FAM53B: variants seen among roughly 807,000 people sequenced by gnomAD.
FAM53B encodes family with sequence similarity 53 member B.
In FAM53B, 12 loss-of-function variants were observed where a neutral mutation model predicts 32.7. The ratio of observed to expected loss-of-function variants is 0.37; its 90% confidence interval spans 0.24 to 0.59. The LOEUF (loss-of-function observed/expected upper bound fraction) is 0.59, where lower values mean the gene tolerates loss of function less well. Ranked by LOEUF, FAM53B falls within the 20% of genes least tolerant of loss-of-function variation. The pLI is 0.72. For missense variants in FAM53B, 477 were observed against 577.7 expected (o/e 0.83, Z 1.79); for synonymous variants, 234 against 228.7 (o/e 1.02, Z -0.21).
chr10:124,647,196 ATGTG>A (rs1363611989), intron 4 of FAM53B, among the ~76,000 whole-genome samples: 1 of 152,140 alleles, frequency 6.6e-6, no homozygotes, highest in East Asian at 1.9e-4. Context: ...ATCTCATTTA[ATGTG>A]TATCACTGCC....
At chr10:124,699,336 T>C (rs1195043652) in intron 2 of FAM53B, among the ~76,000 whole-genome samples, 1 of 152,214 alleles carries the variant, frequency 6.6e-6, no homozygotes, top group African/African-American at 2.4e-5. Context: ...GAAGTGGATT[T>C]TCACTGGGCA....
chr10:124,696,957 T>C (rs960202210), intron 2 of FAM53B, among the ~76,000 whole-genome samples: 3 of 152,128 alleles, frequency 2.0e-5, no homozygotes, highest in Non-Finnish European at 2.9e-5. Flanking sequence ...CCAGGCAGAA[T>C]AGGCCAACGA....
intron 4 of FAM53B, among the ~76,000 whole-genome samples, chr10:124,679,653 C>CT (rs1949756950): frequency 6.6e-6 from 1 of 152,220 alleles, no homozygotes; most frequent in Non-Finnish European, 1.5e-5. Context: ...AGGCCCCTCT[C>CT]TACTTTCCCT....
chr10:124,639,970 A>T (rs1949460018), intron 4 of FAM53B, among the ~76,000 whole-genome samples: 3 of 151,872 alleles, frequency 2.0e-5, no homozygotes, highest in Non-Finnish European at 4.4e-5. Flanking sequence ...GTCTGTTCAA[A>T]GCCTGCACCC....
chr10:124,645,388 G>C (rs566182569), intron 4 of FAM53B, among the ~76,000 whole-genome samples: 31 of 152,340 alleles, frequency 2.0e-4, no homozygotes, highest in African/African-American at 6.7e-4. Context: ...GCCCTGCTGA[G>C]AGATGCAAAA....
intron 1 of FAM53B, among the ~76,000 whole-genome samples, chr10:124,709,019 G>T (rs1949980756): frequency 6.6e-6 from 1 of 152,250 alleles, no homozygotes. Context: ...GATGAAAACA[G>T]AGCCCAAGTC....
At chr10:124,628,337 T>G (rs1949368760) in intron 4 of FAM53B, among the ~76,000 whole-genome samples, 2 of 152,288 alleles carry the variant, frequency 1.3e-5, no homozygotes, top group Middle Eastern at 3.4e-3. Context: ...GTGATATGTC[T>G]GGGAGCAGAT....
intron 4 of FAM53B, among the ~76,000 whole-genome samples, chr10:124,650,185 C>T (rs1163665326): frequency 1.3e-5 from 2 of 152,202 alleles, no homozygotes; most frequent in African/African-American, 4.8e-5. Context: ...ATACTGTAGG[C>T]TGTGCCCTGC....
At chr10:124,677,002 T>A (rs932390456) in intron 4 of FAM53B, among the ~76,000 whole-genome samples, 2 of 152,168 alleles carry the variant, frequency 1.3e-5, no homozygotes, top group Admixed American at 6.5e-5. Context: ...CCCACAAACA[T>A]CTTGCTTCTG....
intron 3 of FAM53B, among the ~76,000 whole-genome samples, chr10:124,689,305 C>T (rs1163352534): frequency 1.3e-5 from 2 of 152,210 alleles, no homozygotes; most frequent in Non-Finnish European, 2.9e-5. Context: ...GACATGAGCT[C>T]CCCCACAATC....
chr10:124,726,113 C>T (rs1950101415), intron 1 of FAM53B, among the ~76,000 whole-genome samples: 1 of 152,178 alleles, frequency 6.6e-6, no homozygotes, highest in Non-Finnish European at 1.5e-5. Context: ...GTAAGCCCTC[C>T]AGGTTGAGTC....
intron 1 of FAM53B, among the ~76,000 whole-genome samples, chr10:124,723,974 TC>T (rs1284586575): frequency 1.3e-5 from 2 of 152,200 alleles, no homozygotes; most frequent in African/African-American, 4.8e-5. Context: ...ATCAGTCTCG[TC>T]CCAAGTCCAA....
At position 124,681,811 on chromosome 10, in the gene FAM53B, C is replaced by T. The variant is rs1949774794; in HGVS notation, c.702G>A (p.Glu234=). The change falls in exon 4 of 5, where the codon GAG becomes GAA. Residue 234 remains glutamate, a synonymous_variant. Transcript: ENST00000337318. The part of the protein sequence containing the change: ...DLQRSLSCSH[E]QFSFVEYCPP... Reference sequence around the variant, plus strand: ...GACAGTATTCCACAAAGGAAAACTGCTCATGTGAGCAAGAGAGGGACCGCT... The same window carrying T: ...GACAGTATTCCACAAAGGAAAACTGTTCATGTGAGCAAGAGAGGGACCGCT... 2 of 1,610,828 alleles carry T rather than the reference C, an allele frequency of 1.2e-6. No individual in the cohort carries two copies. The highest frequency in any genetic ancestry group is 1.3e-5 in the African/African-American group (1 of 74,930).
chr10:124,673,768 C>T (rs1464930688), intron 4 of FAM53B, among the ~76,000 whole-genome samples: 1 of 152,234 alleles, frequency 6.6e-6, no homozygotes, highest in Non-Finnish European at 1.5e-5. Flanking sequence ...CCCAGACTCA[C>T]CTAGGGAGCT....
chr10:124,707,630 A>G (rs1013987122), intron 1 of FAM53B, among the ~76,000 whole-genome samples: 2 of 152,158 alleles, frequency 1.3e-5, no homozygotes, highest in Non-Finnish European at 2.9e-5. Context: ...TTGCAGCTAC[A>G]TGTAAGGCTG....
chr10:124,685,977 A>G (rs1949799963), intron 3 of FAM53B, among the ~76,000 whole-genome samples: 1 of 152,048 alleles, frequency 6.6e-6, no homozygotes, highest in South Asian at 2.1e-4. Flanking sequence ...GCCCATCTCC[A>G]CATCATTCCC....
At chr10:124,690,608 G>T (rs1271785916) in intron 3 of FAM53B, among the ~76,000 whole-genome samples, 2 of 152,214 alleles carry the variant, frequency 1.3e-5, no homozygotes, top group Non-Finnish European at 2.9e-5. Context: ...CAGTTACCAT[G>T]TGCCAACCAC....
chr10:124,671,773 T>G (rs1949708585), intron 4 of FAM53B, among the ~76,000 whole-genome samples: 2 of 146,040 alleles, frequency 1.4e-5, no homozygotes, highest in African/African-American at 5.0e-5. Flanking sequence ...TTTCCAAGAG[T>G]TTTTTTTTTT....
chr10:124,635,644 T>G (rs1467056702), intron 4 of FAM53B, among the ~76,000 whole-genome samples: 1 of 151,966 alleles, frequency 6.6e-6, no homozygotes, highest in Non-Finnish European at 1.5e-5. Flanking sequence ...CCTGGCGACA[T>G]CCTCCAAGAG....
Sources: gnomAD v4.1 joint callset for allele counts (sites outside exome capture counted in the v4.1 genomes callset) on GRCh38, gnomAD v4.1.1 for gene constraint, MANE v1.5 for transcripts, NCBI Gene and HGNC (gene_info 2026-07-23, HGNC 2026-07-21) for gene names.